The following SPATS2L variants were observed in gnomAD, a reference collection of about 807,000 sequenced individuals.
SPATS2L encodes SPATS2-like protein.
SPATS2L carries 30 observed loss-of-function variants against 59.6 expected under a neutral mutation model. The ratio of observed to expected loss-of-function variants is 0.50; its 90% CI spans 0.38 to 0.68. The LOEUF (loss-of-function observed/expected upper bound fraction) is 0.68, where lower values mean the gene tolerates loss of function less well. SPATS2L is among the 30% of genes least tolerant of loss of function. The probability of loss-of-function intolerance (pLI) is 0.00; values close to 1 mark genes in which losing one functional copy is unlikely to be tolerated. For missense variants in SPATS2L, 615 were observed against 700.0 expected, an observed-to-expected ratio of 0.88 and a Z score of 1.37; for synonymous variants, 252 against 263.5, an observed-to-expected ratio of 0.96 and a Z score of 0.42.
At chr2:200,392,626 T>C (rs949296437) in intron 3 of SPATS2L, among the ~76,000 whole-genome samples, 1 of 152,124 alleles carries the variant, frequency 6.6e-6, no homozygotes, top group Non-Finnish European at 1.5e-5. Flanking sequence ...TTTTTTACTG[T>C]TTTTTTCCCA....
chr2:200,470,037 G>T (rs1208014317), intron 11 of SPATS2L, 21 bp downstream of exon 11: 10 of 1,568,188 alleles, frequency 6.4e-6, no homozygotes, highest in Non-Finnish European at 7.8e-6. Flanking sequence ...CATATTTGCT[G>T]AATAATTCTG....
Position 200,312,762 on chromosome 2 carries a change from C to A in SPATS2L, c.-73+5840C>A, listed in dbSNP as rs2079234356. 2.0e-5 allele frequency among the ~76,000 whole-genome samples: 3 copies of A among 152,284 alleles called. No homozygotes were observed. The South Asian group carries it at 6.2e-4, about 32-fold the overall frequency. ...TATGCACTGAGATGAAGAAAGGATG[C>A]AAACATTAGGTGGCCATATGGATTT... On this transcript the variant is annotated intron_variant, in intron 1 of 12. Coordinates refer to ENST00000409140, the MANE Select transcript of SPATS2L (RefSeq NM_001100423.2).
At chr2:200,374,167 A>G (rs930399962) in intron 2 of SPATS2L, among the ~76,000 whole-genome samples, 1 of 152,230 alleles carries the variant, frequency 6.6e-6, no homozygotes, top group Non-Finnish European at 1.5e-5. Context: ...AATACATTGC[A>G]TCTAGCAGAG....
At chr2:200,417,972 A>G (rs1182595119) in intron 5 of SPATS2L, among the ~76,000 whole-genome samples, 2 of 152,134 alleles carry the variant, frequency 1.3e-5, no homozygotes, top group African/African-American at 4.8e-5. Context: ...AAGCAACATC[A>G]AGTCAAACAT....
intron 1 of SPATS2L, among the ~76,000 whole-genome samples, chr2:200,314,895 G>A (rs1227050072): frequency 6.6e-6 from 1 of 152,164 alleles, no homozygotes; most frequent in Non-Finnish European, 1.5e-5. Context: ...TGTTGAAACA[G>A]CAATAGTTTT....
chr2:200,327,663 TTG>T (rs746226664), intron 1 of SPATS2L, among the ~76,000 whole-genome samples: 8 of 152,220 alleles, frequency 5.3e-5, no homozygotes, highest in Non-Finnish European at 7.3e-5. Flanking sequence ...AATTAGAAAA[TTG>T]TTTTTGTCAA....
At chr2:200,418,226 G>A (rs1434261333) in intron 5 of SPATS2L, among the ~76,000 whole-genome samples, 3 of 152,024 alleles carry the variant, frequency 2.0e-5, no homozygotes, top group Non-Finnish European at 4.4e-5. Context: ...CGGAAAAGGG[G>A]GACTTATATC....
Position 200,481,136 on chromosome 2 carries a change from G to A in SPATS2L, c.*3105G>A, listed in dbSNP as rs2087766702. The A allele has an allele frequency of 6.6e-6, 1 of 152,198 alleles. No homozygotes were observed. The highest frequency in any genetic ancestry group is 2.1e-4 in the South Asian group (1 of 4,834). 9.4% of individuals were successfully genotyped at this position (152,198 alleles called of 1,614,324 possible). A position where few individuals can be genotyped will look rare whatever the true frequency, so the allele number is the denominator to read the frequency against. ...ATTCTAGAAGTGCTTAATGCAGCAAGACACAGAAAGTTAAACGCAAATTGC... is the reference window on the plus strand; with the variant it reads ...ATTCTAGAAGTGCTTAATGCAGCAAAACACAGAAAGTTAAACGCAAATTGC... On this transcript the variant is annotated 3_prime_UTR_variant, in exon 13 of 13. Transcript: ENST00000409140.
rs2084237162 is a variant in SPATS2L, at chr2:200,435,668, A to G, written c.446-3454A>G. ...CTGTCACCACTTTTCTCATGTAGAA[A>G]TTGCAGAGGATATTTTAAGGCTTCA... On this transcript the variant is annotated intron_variant, in intron 6 of 12. Coordinates refer to ENST00000409140, the MANE Select transcript of SPATS2L (RefSeq NM_001100423.2). Among the ~76,000 whole-genome samples, 2 of 152,316 alleles carry G rather than the reference A, an allele frequency of 1.3e-5. 1 individual carries two copies. The highest frequency in any genetic ancestry group is 6.8e-3 in the Middle Eastern group (2 of 294).
intron 2 of SPATS2L, among the ~76,000 whole-genome samples, chr2:200,358,182 C>T (rs1029914725): frequency 1.3e-5 from 2 of 152,130 alleles, no homozygotes; most frequent in Non-Finnish European, 2.9e-5. Flanking sequence ...GGAAAGTGAG[C>T]TTTATGTAAT....
chr2:200,463,584 A>G (rs1382702439), intron 9 of SPATS2L, among the ~76,000 whole-genome samples: 1 of 152,180 alleles, frequency 6.6e-6, no homozygotes, highest in Non-Finnish European at 1.5e-5. Flanking sequence ...TTTCCACAAT[A>G]CCCCTACAAC....
At chr2:200,418,598 A>AATAT (rs2083170103) in intron 5 of SPATS2L, among the ~76,000 whole-genome samples, 1 of 149,712 alleles carries the variant, frequency 6.7e-6, no homozygotes. Flanking sequence ...TAAATAAATA[A>AATAT]ATAAATAAAT....
chr2:200,319,269 A>G (rs2079480305), intron 1 of SPATS2L, among the ~76,000 whole-genome samples: 1 of 152,180 alleles, frequency 6.6e-6, no homozygotes, highest in Non-Finnish European at 1.5e-5. Context: ...ATGCCATCTT[A>G]AAAATAGTGC....
chr2:200,474,115 T>G (rs971430934), intron 12 of SPATS2L, among the ~76,000 whole-genome samples: 14 of 151,948 alleles, frequency 9.2e-5, no homozygotes, highest in Non-Finnish European at 1.9e-4. Context: ...TTTTTTTTTT[T>G]GTAAGACTTT....
intron 3 of SPATS2L, among the ~76,000 whole-genome samples, chr2:200,407,050 G>A (rs985448683): frequency 6.6e-6 from 1 of 152,178 alleles, no homozygotes; most frequent in Non-Finnish European, 1.5e-5. Context: ...AAGCCACATG[G>A]TCTTTCCACT....
At chr2:200,443,141 C>T (rs2084809517) in intron 8 of SPATS2L, among the ~76,000 whole-genome samples, 1 of 152,164 alleles carries the variant, frequency 6.6e-6, no homozygotes, top group Non-Finnish European at 1.5e-5. Flanking sequence ...TGCATGCCTG[C>T]CAAACAGAAA....
intron 6 of SPATS2L, among the ~76,000 whole-genome samples, chr2:200,423,306 A>G (rs1559118623): frequency 6.6e-6 from 1 of 152,216 alleles, no homozygotes; most frequent in East Asian, 1.9e-4. Context: ...TGGCTTTAAA[A>G]TGCTTGCTCA....
At chr2:200,447,121 A>G (rs1363124624) in intron 8 of SPATS2L, among the ~76,000 whole-genome samples, 1 of 152,212 alleles carries the variant, frequency 6.6e-6, no homozygotes, top group African/African-American at 2.4e-5. Flanking sequence ...TCATTTTGCA[A>G]TAAAACCAAA....
At chr2:200,324,016 T>C (rs1297621956) in intron 1 of SPATS2L, among the ~76,000 whole-genome samples, 1 of 152,130 alleles carries the variant, frequency 6.6e-6, no homozygotes, top group Non-Finnish European at 1.5e-5. Context: ...TCTGGTGATG[T>C]AGTGAAGGGC....
Sources: allele counts gnomAD v4.1 joint callset (sites outside exome capture counted in the v4.1 genomes callset), GRCh38; gene constraint gnomAD v4.1.1; transcripts MANE v1.5; gene names NCBI Gene and HGNC (gene_info 2026-07-23, HGNC 2026-07-21).